ALLC: variants seen among roughly 807,000 people sequenced by gnomAD.
ALLC encodes allantoicase.
ALLC carries 40 observed loss-of-function variants against 45.0 expected under a neutral mutation model. The observed-to-expected ratio is 0.89, with a 90% CI of 0.69 to 1.16. The LOEUF (loss-of-function observed/expected upper bound fraction) is 1.16, where lower values mean the gene tolerates loss of function less well. Among genes scored for constraint, ALLC ranks in the 50% most tolerant of loss-of-function variants. ALLC has a pLI of 0.00. For missense variants in ALLC, 488 were observed against 493.1 expected (o/e 0.99, Z 0.10); for synonymous variants, 176 against 178.1 (o/e 0.99, Z 0.09).
upstream of ALLC, among the ~76,000 whole-genome samples, chr2:3,657,669 A>G (rs1666473643): frequency 6.6e-6 from 1 of 152,250 alleles, no homozygotes; most frequent in Admixed American, 6.5e-5. Context: ...GGGCCTTTGA[A>G]GGCAGGCGGC....
intron 4 of ALLC, among the ~76,000 whole-genome samples, chr2:3,679,407 A>T (rs960549370): frequency 6.6e-6 from 1 of 152,152 alleles, no homozygotes. Context: ...GAGGACAATG[A>T]ACACAGTGTC....
intron 11 of ALLC, among the ~76,000 whole-genome samples, chr2:3,702,157 T>G (rs1239983177): frequency 6.6e-6 from 1 of 152,184 alleles, no homozygotes; most frequent in African/African-American, 2.4e-5. Flanking sequence ...ATCAATTGTT[T>G]ATTGGGGCCT....
chr2:3,702,027 C>CATGT (rs879426636), intron 11 of ALLC, among the ~76,000 whole-genome samples: 1 of 152,106 alleles, frequency 6.6e-6, no homozygotes, highest in Admixed American at 6.5e-5. Context: ...GAGCTGCTCC[C>CATGT]ATGTAAAGAT....
chr2:3,675,314 C>T (rs1226294617), intron 3 of ALLC, among the ~76,000 whole-genome samples: 2 of 150,224 alleles, frequency 1.3e-5, no homozygotes, highest in Non-Finnish European at 2.9e-5. Context: ...TGCTTGAGCC[C>T]AAGACGTTGA....
chr2:3,679,895 G>C lies in ALLC; in HGVS notation c.199G>C (p.Gly67Arg). Residue 67 changes from glycine (G) to arginine (R), a missense_variant, in exon 5 of 12, where the codon GGG becomes CGG. Coordinates refer to ENST00000252505, the MANE Select transcript of ALLC (RefSeq NM_018436.4). ...TCACGACTGGTGTGTCCTCAGGCTGGGGATCCAAGGAGTCATCCGGGGCTT... is the reference window on the plus strand; with the variant it reads ...TCACGACTGGTGTGTCCTCAGGCTGCGGATCCAAGGAGTCATCCGGGGCTT... ...PGHDWCVLRL[G>R]IQGVIRGFDV... 1 of 1,613,938 alleles carries C rather than the reference G, an allele frequency of 6.2e-7. No homozygotes were observed. Among genetic ancestry groups the C allele is most frequent in the Non-Finnish European group, 8.5e-7 (1 of 1,179,894 alleles).
At chr2:3,695,893 C>G (rs1309083140) in intron 8 of ALLC, 21 bp downstream of exon 8, 1 of 1,585,258 alleles carries the variant, frequency 6.3e-7, no homozygotes, top group African/African-American at 1.4e-5. Flanking sequence ...ATTCTTGGAG[C>G]TGGCTTATTT....
intron 3 of ALLC, among the ~76,000 whole-genome samples, chr2:3,675,583 C>CAT (rs112480558): frequency 0.094 from 14,126 of 150,654 alleles, 651 homozygotes; most frequent in African/African-American, 0.11. Flanking sequence ...TATACTTGAG[C>CAT]ATATATATAT....
intron 2 of ALLC, 56 bp from the exon 3 acceptor site, chr2:3,674,018 TA>T: frequency 7.7e-7 from 1 of 1,300,096 alleles, no homozygotes; most frequent in Non-Finnish European, 1.1e-6. Flanking sequence ...GGGAATGAAA[TA>T]AAATGGTATC....
upstream of ALLC, among the ~76,000 whole-genome samples, chr2:3,657,773 TG>T (rs1385701062): frequency 1.3e-5 from 2 of 152,114 alleles, no homozygotes; most frequent in Non-Finnish European, 2.9e-5. Context: ...ATGAAAATTT[TG>T]TGTGTATTTA....
chr2:3,651,342 T>G, the ALLC span, among the ~76,000 whole-genome samples: 12 of 1,048 alleles, frequency 0.011, 3 homozygotes, highest in African/African-American at 0.039. Flanking sequence ...TGTGTGTGTG[T>G]GTGTGTGTGT....
At chr2:3,673,139 A>C (rs543260571) in intron 2 of ALLC, among the ~76,000 whole-genome samples, 25 of 152,222 alleles carry the variant, frequency 1.6e-4, no homozygotes, top group Non-Finnish European at 3.2e-4. Context: ...GATGAGGTGC[A>C]GGGTGGTTCT....
chr2:3,655,911 G>A (rs1666427664), upstream of ALLC, among the ~76,000 whole-genome samples: 4 of 152,192 alleles, frequency 2.6e-5, no homozygotes, highest in African/African-American at 9.7e-5. Flanking sequence ...GCGCTGCCCT[G>A]TGCTTCTGCT....
intron 3 of ALLC, among the ~76,000 whole-genome samples, 151 bp downstream of exon 3, chr2:3,674,276 C>T (rs1279021718): frequency 1.3e-5 from 2 of 152,186 alleles, no homozygotes; most frequent in Admixed American, 6.5e-5. Context: ...ACATGCAAAT[C>T]AGCATGAACT....
chr2:3,681,100 T>G (rs1667164313), intron 5 of ALLC, among the ~76,000 whole-genome samples: 1 of 152,230 alleles, frequency 6.6e-6, no homozygotes, highest in Admixed American at 6.5e-5. Context: ...CATGAGGCTC[T>G]GTGGACACGA....
At chr2:3,685,396 G>A (rs995024138) in intron 7 of ALLC, among the ~76,000 whole-genome samples, 2 of 150,790 alleles carry the variant, frequency 1.3e-5, no homozygotes, top group South Asian at 4.2e-4. Context: ...AAGAGAAGGC[G>A]AAGCAAGGCA....
chr2:3,681,284 G>A (rs1007014785), intron 5 of ALLC, among the ~76,000 whole-genome samples: 1 of 152,134 alleles, frequency 6.6e-6, no homozygotes, highest in Non-Finnish European at 1.5e-5. Flanking sequence ...CAATTCTAAG[G>A]ATGCCACTGG....
At chr2:3,682,621 G>T (rs1174813979) in intron 6 of ALLC, among the ~76,000 whole-genome samples, 3 of 152,146 alleles carry the variant, frequency 2.0e-5, no homozygotes, top group South Asian at 2.1e-4. Context: ...CGCCTCCCAG[G>T]TTCACGCCAT....
At chr2:3,694,076 A>C (rs1264508227) in intron 7 of ALLC, among the ~76,000 whole-genome samples, 3 of 152,234 alleles carry the variant, frequency 2.0e-5, no homozygotes, top group Non-Finnish European at 2.9e-5. Flanking sequence ...AAACATTTCT[A>C]TTTGACTATT....
upstream of ALLC, among the ~76,000 whole-genome samples, chr2:3,653,674 C>T (rs978306868): frequency 5.9e-5 from 9 of 152,148 alleles, no homozygotes; most frequent in South Asian, 2.1e-4. The surrounding 1 kb of genome is among the most constrained non-coding windows in gnomAD (Gnocchi z 4.1). Flanking sequence ...CAGACCACAC[C>T]GAGATGCTCT....
Sources: allele counts gnomAD v4.1 joint callset (sites outside exome capture counted in the v4.1 genomes callset), GRCh38; gene constraint gnomAD v4.1.1; non-coding constraint Gnocchi (gnomAD v3.1); transcripts MANE v1.5; gene names NCBI Gene and HGNC (gene_info 2026-07-23, HGNC 2026-07-21).